The following LRRC45 variants were observed in gnomAD, a reference collection of about 807,000 sequenced individuals.
The protein encoded by LRRC45 is leucine rich repeat containing 45.
LRRC45 carries 73 observed loss-of-function variants against 85.4 expected under a neutral mutation model. The observed-to-expected ratio is 0.85, with a 90% CI of 0.71 to 1.04. LRRC45 has a LOEUF of 1.04. Among genes scored for constraint, LRRC45 ranks in the 50% least tolerant of loss-of-function variants. LRRC45 has a pLI of 0.00. For synonymous variants in LRRC45, 429 were observed against 386.0 expected (o/e 1.11, Z -1.31); for missense variants, 937 against 883.3 (o/e 1.06, Z -0.77).
intron 12 of LRRC45, 65 bp from the exon 13 acceptor site, chr17:82,029,028 T>G: frequency 7.0e-7 from 1 of 1,436,358 alleles, no homozygotes; most frequent in East Asian, 2.3e-5. Flanking sequence ...GGGTGGGGAG[T>G]CCGTGAGGAG....
chr17:82,024,298 G>A lies in LRRC45; in HGVS notation c.241G>A (p.Gly81Ser), dbSNP rs1476102606. 6.2e-7 allele frequency: 1 copy of A among 1,612,428 alleles called. No homozygotes were observed. Among genetic ancestry groups the A allele is most frequent in the South Asian group, 1.1e-5 (1 of 91,082 alleles). Residue 81 changes from glycine to serine, a missense_variant, in exon 2 of 17, where the codon GGC becomes AGC. Transcript: ENST00000306688. ...CACAGGGGCCACACTGCTGCTCCGA[G>A]GCCTGTGTGCCAACACCGTGCTGCG... is the stretch of plus-strand genomic sequence containing the variant. ...SEEGATLLLR[G>S]LCANTVLRFL... is the part of the protein sequence containing the mutation.
chr17:82,031,072 T>A lies in LRRC45; in HGVS notation c.*267T>A. Reference sequence around the variant, plus strand: ...CCCGCGGGCGCGTCTCCCCCTCGCCTTTTGCGATGTCACCGTGAACGCTGC... The same window carrying A: ...CCCGCGGGCGCGTCTCCCCCTCGCCATTTGCGATGTCACCGTGAACGCTGC... On this transcript the variant is annotated 3_prime_UTR_variant, in exon 17 of 17. Coordinates refer to ENST00000306688, the MANE Select transcript of LRRC45 (RefSeq NM_144999.4). 2.6e-6 allele frequency: 1 copy of A among 379,650 alleles called. No homozygotes were observed. The highest frequency in any genetic ancestry group is 6.6e-4 in the Middle Eastern group (1 of 1,514). 23.5% of individuals were successfully genotyped at this position (379,650 alleles called of 1,614,324 possible). A position where few individuals can be genotyped will look rare whatever the true frequency, so the allele number is the denominator to read the frequency against.
At chr17:82,024,553 G>A (rs990601125) in intron 2 of LRRC45, 140 bp from the exon 3 acceptor site, 19 of 1,096,732 alleles carry the variant, frequency 1.7e-5, no homozygotes, top group South Asian at 1.5e-5. Context: ...GCCCCCTGAA[G>A]ACAGGGAGCC....
chr17:82,029,149 G>A lies in LRRC45; in HGVS notation c.1365G>A (p.Val455=), dbSNP rs373025228. The A allele has an allele frequency of 2.8e-5, 45 of 1,612,346 alleles. No individual in the cohort carries two copies. In the Middle Eastern group the frequency reaches 8.3e-4, roughly 30 times the overall value. Residue 455 remains valine, a synonymous_variant, in exon 13 of 17, where the codon GTG becomes GTA. Coordinates refer to ENST00000306688, the MANE Select transcript of LRRC45 (RefSeq NM_144999.4). The part of the protein sequence containing the change: ...EESEKAMQER[V]QRLEAARLSL... ...GTGAGAAGGCCATGCAGGAGCGGGTGCAGAGGCTGGAGGCGGCGCGGCTGT... is the reference window on the plus strand; with the variant it reads ...GTGAGAAGGCCATGCAGGAGCGGGTACAGAGGCTGGAGGCGGCGCGGCTGT...
In LRRC45 at chr17:82,030,757, G is replaced by A; in HGVS notation, c.1965G>A (p.Leu655=). ...QRASFLQNAV[L]AYVQASPVRT... Reference sequence around the variant, plus strand: ...CGAGCTTCCTGCAGAACGCCGTCCTGGCTTACGTGCAGGCGTCCCCCGTGA... The same window carrying A: ...CGAGCTTCCTGCAGAACGCCGTCCTAGCTTACGTGCAGGCGTCCCCCGTGA... Residue 655 remains leucine, a synonymous_variant, in exon 17 of 17, where the codon CTG becomes CTA. Transcript: ENST00000306688. The A allele has an allele frequency of 6.9e-7, 1 of 1,456,632 alleles. No homozygotes were observed. The highest frequency in any genetic ancestry group is 9.2e-7 in the Non-Finnish European group (1 of 1,090,382). 90.2% of individuals were successfully genotyped at this position (1,456,632 alleles called of 1,614,324 possible).
chr17:82,030,649 G>T lies in LRRC45; in HGVS notation c.1857G>T (p.Glu619Asp). The T allele has an allele frequency of 7.0e-7, 1 of 1,427,490 alleles. No homozygotes were observed. Among genetic ancestry groups the T allele is most frequent in the Non-Finnish European group, 9.2e-7 (1 of 1,084,802 alleles). 88.4% of individuals were successfully genotyped at this position (1,427,490 alleles called of 1,614,324 possible). The stretch of plus-strand genomic sequence containing the variant: ...ACCGAGAGGCGCTGCTGGACAGGGA[G>T]AGCGAGAACGCGTCTCTCCGGGAGA... ...SDHREALLDR[E>D]SENASLREKL... The change falls in exon 17 of 17, where the codon GAG (glutamate) becomes GAT (aspartate). Residue 619 changes from glutamate (E) to aspartate (D), a missense_variant. Coordinates refer to ENST00000306688, the MANE Select transcript of LRRC45 (RefSeq NM_144999.4).
In LRRC45 at chr17:82,027,411, A is replaced by T. The variant is rs901459068; in HGVS notation, c.800A>T (p.Asp267Val). ...TTCCTCGACTTGATGGAGACTATTGATAAGCAGCGAGAAGAGATGGCCAAG... is the reference window on the plus strand; with the variant it reads ...TTCCTCGACTTGATGGAGACTATTGTTAAGCAGCGAGAAGAGATGGCCAAG... ...KQFLDLMETI[D>V]KQREEMAKSS... The change falls in exon 7 of 17, where the codon GAT (aspartate) becomes GTT (valine). Residue 267 changes from aspartate to valine, a missense_variant. Transcript: ENST00000306688. 6.2e-7 allele frequency: 1 copy of T among 1,612,688 alleles called. No individual in the cohort carries two copies. Among genetic ancestry groups the T allele is most frequent in the Non-Finnish European group, 8.5e-7 (1 of 1,179,964 alleles).
In LRRC45 at chr17:82,023,826, G is replaced by C; in HGVS notation, c.183G>C (p.Thr61=). Residue 61 remains threonine (T), a synonymous_variant, in exon 1 of 17, where the codon ACG becomes ACC. Coordinates refer to ENST00000306688, the MANE Select transcript of LRRC45 (RefSeq NM_144999.4). Reference sequence around the variant, plus strand: ...TGCTGCCGAGGGAGACGCTGTGCACGGAGCTGGTCCTGAGTGACTGCATGC... The same window carrying C: ...TGCTGCCGAGGGAGACGCTGTGCACCGAGCTGGTCCTGAGTGACTGCATGC... ...GKLLPRETLC[T]ELVLSDCMLS... is the part of the protein sequence containing the mutation. The C allele has an allele frequency of 1.9e-6, 3 of 1,568,478 alleles. No individual in the cohort carries two copies. Among genetic ancestry groups the C allele is most frequent in the Non-Finnish European group, 2.6e-6 (3 of 1,158,912 alleles).
Position 82,030,677 on chromosome 17 carries a change from C to T in LRRC45, c.1885C>T (p.Leu629=). 6.8e-7 allele frequency: 1 copy of T among 1,474,812 alleles called. No homozygotes were observed. The highest frequency in any genetic ancestry group is 9.1e-7 in the Non-Finnish European group (1 of 1,103,798). The allele number at this position is 1,474,812 out of a possible 1,614,324, so 91.4% of individuals were successfully genotyped here. A position where few individuals can be genotyped will look rare whatever the true frequency, so the allele number is the denominator to read the frequency against. The change falls in exon 17 of 17, where the codon CTG becomes TTG. Residue 629 remains leucine (L), a synonymous_variant. Transcript: ENST00000306688. ...ESENASLREK[L]RLREAEIARI... ...CGAGAACGCGTCTCTCCGGGAGAAG[C>T]TGCGGCTCCGGGAGGCGGAGATCGC...
At chr17:82,028,212 C>A in intron 9 of LRRC45, 22 bp from the exon 10 acceptor site, 1 of 1,564,124 alleles carries the variant, frequency 6.4e-7, no homozygotes, top group African/African-American at 1.4e-5. Flanking sequence ...CCCTCACTAC[C>A]CATACCCCGT....
rs376916119 is a variant in LRRC45 at position 82,026,907 on chromosome 17, A to G, written c.670A>G (p.Met224Val). 34 of 1,603,638 alleles carry G rather than the reference A, an allele frequency of 2.1e-5. No individual in the cohort carries two copies. The African/African-American group carries it at 3.3e-4, about 16-fold the overall frequency. ...GDVLRAVEQAMGHSQDRLTTF... is the reference protein window; with the variant it reads ...GDVLRAVEQAVGHSQDRLTTF... Reference sequence around the variant, plus strand: ...CACAGCTCCTTCTGCAGAGCAAGCCATGGGCCACAGCCAGGACCGGCTCAC... The same window carrying G: ...CACAGCTCCTTCTGCAGAGCAAGCCGTGGGCCACAGCCAGGACCGGCTCAC... The change falls in exon 6 of 17, where the codon ATG (methionine) becomes GTG (valine). Residue 224 changes from methionine (M) to valine (V), a missense_variant. Transcript: ENST00000306688.
intron 5 of LRRC45, among the ~76,000 whole-genome samples, chr17:82,026,205 C>T (rs1028698548): frequency 6.6e-6 from 1 of 152,240 alleles, no homozygotes; most frequent in Non-Finnish European, 1.5e-5. Flanking sequence ...TCGCCACATG[C>T]TACCCAGATC....
intron 7 of LRRC45, 96 bp downstream of exon 7, chr17:82,027,540 C>T (rs1241924109): frequency 6.4e-6 from 10 of 1,567,942 alleles, no homozygotes; most frequent in African/African-American, 1.4e-5. Flanking sequence ...AGTGAGGCCA[C>T]GAGGAGGTCG....
chr17:82,030,215 C>G lies in LRRC45; in HGVS notation c.1645C>G (p.Arg549Gly). 6.5e-7 allele frequency: 1 copy of G among 1,536,386 alleles called. No homozygotes were observed. Among genetic ancestry groups the G allele is most frequent in the African/African-American group, 1.4e-5 (1 of 72,744 alleles). The change falls in exon 15 of 17, where the codon CGG becomes GGG. Residue 549 changes from arginine to glycine, a missense_variant. Arg to Gly is a moderately radical substitution (Grantham distance 125). Coordinates refer to ENST00000306688, the MANE Select transcript of LRRC45 (RefSeq NM_144999.4). Reference protein sequence around the residue: ...QLGLQVEGLRRRLEELQQELS... With the variant: ...QLGLQVEGLRGRLEELQQELS... ...GGGCCTGCAAGTTGAGGGCCTGCGG[C>G]GGCGCCTGGAAGAGCTGCAGCAGGT...
intron 5 of LRRC45, 137 bp downstream of exon 5, chr17:82,025,644 G>C: frequency 5.3e-6 from 6 of 1,137,416 alleles, no homozygotes; most frequent in Non-Finnish European, 7.0e-6. Context: ...AAGGAGCGGA[G>C]GGGTCGTGGG....
chr17:82,029,449 A>G, intron 13 of LRRC45, 94 bp from the exon 14 acceptor site: 1 of 1,363,278 alleles, frequency 7.3e-7, no homozygotes. Flanking sequence ...GGCAGAGAGG[A>G]GCCCCCCTGG....
intron 13 of LRRC45, 71 bp from the exon 14 acceptor site, chr17:82,029,472 G>T: frequency 6.7e-7 from 1 of 1,493,016 alleles, no homozygotes; most frequent in South Asian, 1.2e-5. Context: ...GGGGTTGGCT[G>T]GATGGGCCAG....
At chr17:82,029,752 A>C in intron 14 of LRRC45, 117 bp downstream of exon 14, 1 of 1,005,654 alleles carries the variant, frequency 9.9e-7, no homozygotes, top group Non-Finnish European at 1.5e-6. Context: ...TGTTGAGGTC[A>C]GATGAGCACA....
chr17:82,024,249 G>T, intron 1 of LRRC45, 29 bp from the exon 2 acceptor site: 1 of 1,609,454 alleles, frequency 6.2e-7, no homozygotes. Context: ...AGCAGGGGCA[G>T]AGAGTGACCG....
Sources: gnomAD v4.1 joint callset for allele counts (sites outside exome capture counted in the v4.1 genomes callset) on GRCh38, gnomAD v4.1.1 for gene constraint, MANE v1.5 for transcripts, NCBI Gene and HGNC (gene_info 2026-07-23, HGNC 2026-07-21) for gene names.